DMRT1: variants seen among roughly 807,000 people sequenced by gnomAD.
DMRT1 encodes doublesex- and mab-3-related transcription factor 1.
Under a neutral mutation model 32.3 loss-of-function variants are expected in DMRT1, and 7 were observed. The observed-to-expected ratio is 0.22, with a 90% CI of 0.12 to 0.41. DMRT1 has a LOEUF of 0.41. Ranked by LOEUF, DMRT1 falls within the 10% of genes least tolerant of loss-of-function variation. The probability of loss-of-function intolerance (pLI) is 1.00; values close to 1 mark genes in which losing one functional copy is unlikely to be tolerated. For synonymous variants in DMRT1, 278 were observed against 206.1 expected, an observed-to-expected ratio of 1.35 and a Z score of -2.99; for missense variants, 625 against 500.5, an observed-to-expected ratio of 1.25 and a Z score of -2.37.
intron 4 of DMRT1, among the ~76,000 whole-genome samples, chr9:930,089 C>A (rs1010703705): frequency 6.6e-6 from 1 of 152,164 alleles, no homozygotes; most frequent in Non-Finnish European, 1.5e-5. Flanking sequence ...GTTTTCTTCT[C>A]AAATTAGAGA....
intron 4 of DMRT1, 34 bp from the exon 5 acceptor site, chr9:967,951 C>CCTTT: frequency 1.2e-6 from 2 of 1,603,722 alleles, no homozygotes; most frequent in Non-Finnish European, 1.7e-6. Context: ...TCCCTTTCTC[C>CCTTT]CTTTCTCTCT....
rs556492321 is a variant in DMRT1, at chr9:871,087, G to A, written c.539-22825G>A. ...GTCTGGCTCTGTTGCCCAGGCTGGA[G>A]TGCAATGGGGCAATCATGGGCACAT... On this transcript the variant is annotated intron_variant, in intron 2 of 4. Coordinates refer to ENST00000382276, the MANE Select transcript of DMRT1 (RefSeq NM_021951.3). 1.9e-3 allele frequency among the ~76,000 whole-genome samples: 296 copies of A among 152,170 alleles called. 1 individual carries two copies. The highest frequency in any genetic ancestry group is 2.3e-3 in the Non-Finnish European group (158 of 67,998).
intron 3 of DMRT1, among the ~76,000 whole-genome samples, chr9:910,673 A>C (rs1817941243): frequency 6.6e-6 from 1 of 152,152 alleles, no homozygotes; most frequent in Non-Finnish European, 1.5e-5. Flanking sequence ...AATAGAACAC[A>C]ACTCCAAGGT....
intron 2 of DMRT1, among the ~76,000 whole-genome samples, chr9:853,698 T>C (rs1415923404): frequency 6.6e-6 from 1 of 152,070 alleles, no homozygotes; most frequent in Non-Finnish European, 1.5e-5. Context: ...AGAGACAGGG[T>C]TTCACCATGT....
At chr9:881,064 C>T (rs1299288083) in intron 2 of DMRT1, among the ~76,000 whole-genome samples, 5 of 152,060 alleles carry the variant, frequency 3.3e-5, no homozygotes, top group South Asian at 4.1e-4. Flanking sequence ...GAGGCTGTCA[C>T]GCAAAGTGGT....
intron 2 of DMRT1, among the ~76,000 whole-genome samples, chr9:858,995 C>G (rs764187488): frequency 6.6e-6 from 1 of 151,968 alleles, no homozygotes. Flanking sequence ...ACTTCCCAGA[C>G]AGAAACTCTG....
chr9:954,876 G>A (rs1702132838), intron 4 of DMRT1, among the ~76,000 whole-genome samples: 1 of 152,048 alleles, frequency 6.6e-6, no homozygotes, highest in African/African-American at 2.4e-5. Context: ...TCCTGACCTC[G>A]TGATCTGCCT....
rs866754636 is a variant in DMRT1, at chr9:928,893, A to G, written c.967+11986A>G. ...TTATTTTGTGCCCAGGCTGGAGTGC[A>G]GTGGTGTGATCTTGGCTCACTGCAA... On this transcript the variant is annotated intron_variant, in intron 4 of 4. Transcript: ENST00000382276. Among the ~76,000 whole-genome samples, 10 of 151,506 alleles carry G rather than the reference A, an allele frequency of 6.6e-5. No homozygotes were observed. In the South Asian group the frequency reaches 8.3e-4, roughly 13 times the overall value.
rs1838699961 is a variant in DMRT1, at chr9:841,951, T to C, written c.113T>C (p.Leu38Pro). The C allele has an allele frequency of 1.3e-6, 2 of 1,598,878 alleles. No individual in the cohort carries two copies. Among genetic ancestry groups the C allele is most frequent in the Non-Finnish European group, 1.7e-6 (2 of 1,173,340 alleles). The change falls in exon 1 of 5, where the codon CTA becomes CCA. Residue 38 changes from leucine to proline, a missense_variant. Transcript: ENST00000382276. ...AGGFGKASGA[L>P]VGAASGSSAG... ...GGCTTTGGCAAAGCGTCTGGGGCGCTAGTGGGGGCGGCCAGCGGCTCGAGC... is the reference window on the plus strand; with the variant it reads ...GGCTTTGGCAAAGCGTCTGGGGCGCCAGTGGGGGCGGCCAGCGGCTCGAGC...
intron 4 of DMRT1, among the ~76,000 whole-genome samples, chr9:941,162 A>G (rs1414465360): frequency 6.6e-6 from 1 of 152,198 alleles, no homozygotes; most frequent in East Asian, 1.9e-4. Flanking sequence ...TGATCCAGCA[A>G]TTACACTTCT....
At chr9:925,036 C>G (rs1034216392) in intron 4 of DMRT1, among the ~76,000 whole-genome samples, 1 of 152,168 alleles carries the variant, frequency 6.6e-6, no homozygotes, top group African/African-American at 2.4e-5. Context: ...CTGGAAATAG[C>G]AAGACTTCCC....
At chr9:853,503 G>T (rs1424180759) in intron 2 of DMRT1, among the ~76,000 whole-genome samples, 5 of 139,604 alleles carry the variant, frequency 3.6e-5, no homozygotes, top group Admixed American at 1.5e-4. Context: ...ACGAAGTCTT[G>T]ATCTTGTCTC....
chr9:860,515 A>G (rs980842326), intron 2 of DMRT1, among the ~76,000 whole-genome samples: 2 of 152,078 alleles, frequency 1.3e-5, no homozygotes, highest in South Asian at 4.2e-4. Flanking sequence ...TGTTCATTCT[A>G]TGGCTGCACT....
At chr9:869,942 AC>A (rs1816161381) in intron 2 of DMRT1, among the ~76,000 whole-genome samples, 1 of 151,908 alleles carries the variant, frequency 6.6e-6, no homozygotes, top group African/African-American at 2.4e-5. Context: ...GAACCTGAAG[AC>A]CCCTGCGCGT....
intron 4 of DMRT1, among the ~76,000 whole-genome samples, chr9:942,267 T>C (rs72701045): frequency 2.0e-5 from 3 of 152,098 alleles, no homozygotes; most frequent in East Asian, 1.9e-4. Context: ...AAGAGAAATA[T>C]CAATTTTCCT....
Position 878,210 on chromosome 9 carries a change from C to CA in DMRT1, c.539-15701dup, listed in dbSNP as rs1554749475. 6.9e-4 allele frequency among the ~76,000 whole-genome samples: 88 copies of CA among 127,472 alleles called. 3 individuals are homozygous for CA. The highest frequency in any genetic ancestry group is 2.4e-3 in the African/African-American group (81 of 34,026). 83.6% of individuals were successfully genotyped at this position (127,472 alleles called of 152,430 possible). The stretch of plus-strand genomic sequence containing the variant: ...GGAACTGCAGCTGCTGCCCCCCCCC[C>CA]ACCCAATAAAAATGTCTGCCTGTCT... On this transcript the variant is annotated intron_variant, in intron 2 of 4. Coordinates refer to ENST00000382276, the MANE Select transcript of DMRT1 (RefSeq NM_021951.3).
In DMRT1 at chr9:846,993, G is replaced by A; in HGVS notation, c.388G>A (p.Glu130Lys). ...ALRRQQAQEE[E>K]LGISHPIPLP... ...GAGAAGGCAGCAGGCCCAGGAGGAG[G>A]AATTGGGTATCAGCCACCCCATCCC... is the stretch of plus-strand genomic sequence containing the variant. Residue 130 changes from glutamate to lysine, a missense_variant, in exon 2 of 5, where the codon GAA becomes AAA. Glu to Lys is a moderately conservative substitution (Grantham distance 56). This residue lies in a region of DMRT1 where 416 missense variants were observed against 321.6 expected (regional missense o/e 1.29). Transcript: ENST00000382276. 6.2e-7 allele frequency: 1 copy of A among 1,614,178 alleles called. No homozygotes were observed. The highest frequency in any genetic ancestry group is 8.5e-7 in the Non-Finnish European group (1 of 1,180,050).
At chr9:930,696 C>T (rs971853626) in intron 4 of DMRT1, among the ~76,000 whole-genome samples, 1 of 152,138 alleles carries the variant, frequency 6.6e-6, no homozygotes, top group Non-Finnish European at 1.5e-5. Context: ...ACATGAGCCA[C>T]CGCACCCGGC....
At chr9:890,548 G>A (rs1485894986) in intron 2 of DMRT1, among the ~76,000 whole-genome samples, 2 of 149,126 alleles carry the variant, frequency 1.3e-5, no homozygotes, top group Non-Finnish European at 3.0e-5. Context: ...ACCTTCCAGA[G>A]CTTGCACTTT....
Sources: allele counts gnomAD v4.1 joint callset (sites outside exome capture counted in the v4.1 genomes callset), GRCh38; gene constraint gnomAD v4.1.1; regional missense constraint gnomAD v4.1.1; transcripts MANE v1.5; gene names NCBI Gene and HGNC (gene_info 2026-07-23, HGNC 2026-07-21).